The following ATXN2L variants were observed in gnomAD, a reference collection of about 807,000 sequenced individuals.
ATXN2L encodes ataxin 2 like, also known as ataxin-2-like protein.
A neutral mutation model predicts 120.7 loss-of-function variants in ATXN2L; 24 were observed. That is an observed-to-expected ratio of 0.20 (90% CI 0.14 to 0.28). The LOEUF (loss-of-function observed/expected upper bound fraction) is 0.28, where lower values mean the gene tolerates loss of function less well. Among genes scored for constraint, ATXN2L ranks in the 10% least tolerant of loss-of-function variants. The probability of loss-of-function intolerance (pLI) is 1.00; values close to 1 mark genes in which losing one functional copy is unlikely to be tolerated. For missense variants in ATXN2L, 1,312 were observed against 1,432.3 expected (o/e 0.92, Z 1.36); for synonymous variants, 653 against 568.1 (o/e 1.15, Z -2.13).
At chr16:28,824,318 T>G (rs2151892199) in intron 1 of ATXN2L, 2 of 1,199,088 alleles carry the variant, frequency 1.7e-6, no homozygotes, top group South Asian at 1.5e-5. Flanking sequence ...GAATTAAGAG[T>G]GGCAGCACAC....
chr16:28,836,575 C>T lies in ATXN2L; in HGVS notation c.*310C>T, dbSNP rs957747343. 143 of 1,567,902 alleles carry T rather than the reference C, an allele frequency of 9.1e-5. No homozygotes were observed. The highest frequency in any genetic ancestry group is 5.1e-4 in the Middle Eastern group (3 of 5,858). ...AGGGCTCTGGCTTACTGGGAAACAG[C>T]GATTGACCTGTGCTTCTGACAGCCC... On this transcript the variant is annotated 3_prime_UTR_variant, in exon 22 of 22. Coordinates refer to ENST00000336783, the MANE Select transcript of ATXN2L (RefSeq NM_007245.4).
At chr16:28,833,007 G>T in intron 13 of ATXN2L, 52 bp from the exon 14 acceptor site, 1 of 1,596,906 alleles carries the variant, frequency 6.3e-7, no homozygotes, top group Non-Finnish European at 8.6e-7. Flanking sequence ...AAAGAAGAAA[G>T]CCAGGACTAG....
Position 28,823,330 on chromosome 16 carries a change from C to G in ATXN2L, c.71C>G (p.Ala24Gly), listed in dbSNP as rs767868962. Residue 24 changes from alanine to glycine, a missense_variant, in exon 1 of 22, where the codon GCC becomes GGC. Coordinates refer to ENST00000336783, the MANE Select transcript of ATXN2L (RefSeq NM_007245.4). The part of the protein sequence containing the change: ...QQPPPTQQAV[A>G]RRPPGGTSPP... ...CCGCCCCCCACGCAACAGGCCGTGG[C>G]CCGTCGGCCCCCCGGGGGCACCAGC... The G allele has an allele frequency of 2.1e-6, 3 of 1,403,194 alleles. No individual in the cohort carries two copies. Among genetic ancestry groups the G allele is most frequent in the Non-Finnish European group, 2.8e-6 (3 of 1,079,266 alleles). The allele number at this position is 1,403,194 out of a possible 1,614,324, so 86.9% of individuals were successfully genotyped here. A position where few individuals can be genotyped will look rare whatever the true frequency, so the allele number is the denominator to read the frequency against.
At chr16:28,828,932 G>A (rs1053357207) in intron 6 of ATXN2L, among the ~76,000 whole-genome samples, 1 of 151,902 alleles carries the variant, frequency 6.6e-6, no homozygotes, top group African/African-American at 2.4e-5. Context: ...TAGTAGAGAC[G>A]GGGTTTCACC....
At chr16:28,829,792 T>C (rs2053678654) in intron 7 of ATXN2L, 66 bp from the exon 8 acceptor site, 1 of 1,534,540 alleles carries the variant, frequency 6.5e-7, no homozygotes, top group African/African-American at 1.4e-5. Flanking sequence ...TGTTGAAATG[T>C]TTTTCCTTTT....
intron 4 of ATXN2L, 154 bp downstream of exon 4, chr16:28,825,995 T>C: frequency 1.1e-6 from 1 of 871,852 alleles, no homozygotes; most frequent in African/African-American, 1.7e-5. Flanking sequence ...AAAAGACAAA[T>C]TTGAGGGCTG....
At chr16:28,830,890 A>C (rs1596923462) in intron 9 of ATXN2L, 72 bp from the exon 10 acceptor site, 1 of 1,486,740 alleles carries the variant, frequency 6.7e-7, no homozygotes, top group South Asian at 1.2e-5. Context: ...ATGACGCTGC[A>C]TCGGTGGGAA....
intron 15 of ATXN2L, 123 bp from the exon 16 acceptor site, chr16:28,833,942 C>T: frequency 1.7e-6 from 2 of 1,148,844 alleles, no homozygotes; most frequent in Non-Finnish European, 2.5e-6. Flanking sequence ...GAGGCTTTAT[C>T]AAGATAAGTG....
rs2055453949 is a variant in ATXN2L at position 28,833,834 on chromosome 16, AG to A, written c.2026-230del. The A allele has an allele frequency of 4.6e-6, 3 of 648,422 alleles. No individual in the cohort carries two copies. In the East Asian group the frequency reaches 8.3e-5, roughly 18 times the overall value. 40.2% of individuals were successfully genotyped at this position (648,422 alleles called of 1,614,324 possible). A position where few individuals can be genotyped will look rare whatever the true frequency, so the allele number is the denominator to read the frequency against. ...AACAGAGGCCAGCTGACTTGGCTTG[AG>A]CCCCTGTATTTGGAAGGTTTGTGAT... On this transcript the variant is annotated intron_variant, in intron 15 of 21. Coordinates refer to ENST00000336783, the MANE Select transcript of ATXN2L (RefSeq NM_007245.4).
intron 10 of ATXN2L, among the ~76,000 whole-genome samples, chr16:28,831,704 C>T (rs55991577): frequency 0.34 from 51,881 of 151,730 alleles, 9,528 homozygotes; most frequent in Admixed American, 0.41. Context: ...CTGGGCAACA[C>T]GGCAAAACCC....
In ATXN2L at chr16:28,833,494, C is replaced by T. The variant is rs2055296463; in HGVS notation, c.2011C>T (p.Pro671Ser). Residue 671 changes from proline (P) to serine (S), a missense_variant, in exon 15 of 22, where the codon CCT becomes TCT. By Grantham distance (74) the Pro-to-Ser change is moderately conservative. Transcript: ENST00000336783. ...PNAKEFNPTK[P>S]LLSVNKSTST... ...TGCTAAGGAGTTCAATCCTACAAAG[C>T]CTCTGCTGTCTGTGGTGAGCTGGGA... 1 of 1,614,050 alleles carries T rather than the reference C, an allele frequency of 6.2e-7. No homozygotes were observed. Among genetic ancestry groups the T allele is most frequent in the Non-Finnish European group, 8.5e-7 (1 of 1,180,040 alleles).
In ATXN2L at chr16:28,830,765, T is replaced by C; in HGVS notation, c.1185T>C (p.Gly395=). 1 of 1,608,244 alleles carries C rather than the reference T, an allele frequency of 6.2e-7. No homozygotes were observed. The highest frequency in any genetic ancestry group is 2.2e-5 in the East Asian group (1 of 44,804). The change falls in exon 9 of 22, where the codon GGT becomes GGC. Residue 395 remains glycine, a synonymous_variant. Coordinates refer to ENST00000336783, the MANE Select transcript of ATXN2L (RefSeq NM_007245.4). ...TGGACAACAGCAGCCCTGGCCCAGG[T>C]TCTGAGGCCCGTGGTATCAATGGAG... is the stretch of plus-strand genomic sequence containing the variant. ...HHLDNSSPGP[G]SEARGINGGP... is the part of the protein sequence containing the mutation.
chr16:28,826,481 G>T, intron 5 of ATXN2L, 91 bp downstream of exon 5: 5 of 1,435,034 alleles, frequency 3.5e-6, no homozygotes, highest in South Asian at 2.7e-5. Flanking sequence ...TGATGTGTTT[G>T]GTTTGTTTTT....
Position 28,836,536 on chromosome 16 carries a change from T to TGGGCACATGAGTGA in ATXN2L, c.*276_*289dup. Reference sequence around the variant, plus strand: ...CAGACTGGGGTGTGGGGGGCTGAGCTGGGCACATGAGTGAGGGCTCTGGCT... The same window carrying TGGGCACATGAGTGA: ...CAGACTGGGGTGTGGGGGGCTGAGCTGGGCACATGAGTGAGGGCACATGAGTGAGGGCTCTGGCT... On this transcript the variant is annotated 3_prime_UTR_variant, in exon 22 of 22. Coordinates refer to ENST00000336783, the MANE Select transcript of ATXN2L (RefSeq NM_007245.4). 6.3e-7 allele frequency: 1 copy of TGGGCACATGAGTGA among 1,586,722 alleles called. No homozygotes were observed. The highest frequency in any genetic ancestry group is 8.6e-7 in the Non-Finnish European group (1 of 1,168,270).
chr16:28,829,986 G>A lies in ATXN2L; in HGVS notation c.962G>A (p.Arg321His). 3.1e-6 allele frequency: 5 copies of A among 1,614,194 alleles called. No homozygotes were observed. The highest frequency in any genetic ancestry group is 4.5e-5 in the East Asian group (2 of 44,878). The change falls in exon 8 of 22, where the codon CGC becomes CAC. Residue 321 changes from arginine to histidine, a missense_variant. Transcript: ENST00000336783. The stretch of plus-strand genomic sequence containing the variant: ...ATCGCCATGGAGAACGACGATGGGC[G>A]CACTGAAGAGGAGAAGCACAGTGCA... ...LRIAMENDDG[R>H]TEEEKHSAVQ...
In ATXN2L at chr16:28,825,838, A is replaced by C. The variant is rs367610884; in HGVS notation, c.462A>C (p.Ser154=). ...TYEGIFKTLS[S]KFELAVDAVH... ...AGGGTATCTTCAAGACGCTAAGCTC[A>C]AAGGTCAGTGTACTCAAATTTAATT... The change falls in exon 4 of 22, where the codon TCA becomes TCC. Residue 154 remains serine, a synonymous_variant. Coordinates refer to ENST00000336783, the MANE Select transcript of ATXN2L (RefSeq NM_007245.4). 6.7e-5 allele frequency: 108 copies of C among 1,612,194 alleles called. No homozygotes were observed. Among genetic ancestry groups the C allele is most frequent in the Non-Finnish European group, 9.1e-5 (107 of 1,178,348 alleles).
chr16:28,827,288 T>C (rs545928471), intron 6 of ATXN2L, among the ~76,000 whole-genome samples: 3 of 152,130 alleles, frequency 2.0e-5, no homozygotes, highest in Admixed American at 6.5e-5. Flanking sequence ...ATAAAAGCTA[T>C]CAAGGTTTGG....
At chr16:28,825,275 G>A (rs2051434429) in intron 1 of ATXN2L, 91 bp from the exon 2 acceptor site, 2 of 1,177,932 alleles carry the variant, frequency 1.7e-6, no homozygotes, top group African/African-American at 3.1e-5. Flanking sequence ...AGCATCATCA[G>A]GTGGTATATA....
At position 28,825,759 on chromosome 16, in the gene ATXN2L, C is replaced by G. The variant is rs913981037; in HGVS notation, c.394-11C>G. The G allele has an allele frequency of 6.2e-7, 1 of 1,613,968 alleles. No homozygotes were observed. Among genetic ancestry groups the G allele is most frequent in the African/African-American group, 1.3e-5 (1 of 75,014 alleles). On this transcript the variant is annotated splice_polypyrimidine_tract_variant and intron_variant, in intron 3 of 21. Coordinates refer to ENST00000336783, the MANE Select transcript of ATXN2L (RefSeq NM_007245.4). ...CTGGAGACACTCTTCTTATTTTTCC[C>G]ACTCTGCCAGGGCTCCACTTGTGAT...
Sources: allele counts gnomAD v4.1 joint callset (sites outside exome capture counted in the v4.1 genomes callset), GRCh38; gene constraint gnomAD v4.1.1; transcripts MANE v1.5; gene names NCBI Gene and HGNC (gene_info 2026-07-23, HGNC 2026-07-21).